Variants in MRTFA observed in about 807,000 individuals in gnomAD.
MRTFA encodes the protein myocardin-related transcription factor A.
MRTFA carries 20 observed loss-of-function variants against 83.5 expected under a neutral mutation model. The ratio of observed to expected loss-of-function variants is 0.24; its 90% CI spans 0.17 to 0.35. The LOEUF is 0.35. MRTFA is among the 10% of genes least tolerant of loss of function. The probability of loss-of-function intolerance (pLI) is 1.00; values close to 1 mark genes in which losing one functional copy is unlikely to be tolerated. For missense variants in MRTFA, 1,200 were observed against 1,224.7 expected (o/e 0.98, Z 0.30); for synonymous variants, 659 against 541.2 (o/e 1.22, Z -3.02).
chr22:40,418,241 C>A, intron 12 of MRTFA, 133 bp downstream of exon 12: 1 of 1,467,758 alleles, frequency 6.8e-7, no homozygotes, highest in Non-Finnish European at 9.0e-7. Flanking sequence ...CAGTACCCCC[C>A]TGGTGAAGGA....
At chr22:40,533,635 T>C (rs2147279799) in intron 3 of MRTFA, 1 of 1,229,756 alleles carries the variant, frequency 8.1e-7, no homozygotes, top group Non-Finnish European at 1.0e-6. Flanking sequence ...AGTAGAGTCA[T>C]GACGGATTCT....
intron 1 of MRTFA, among the ~76,000 whole-genome samples, chr22:40,614,861 T>C (rs1330866521): frequency 6.6e-6 from 1 of 152,210 alleles, no homozygotes; most frequent in Admixed American, 6.5e-5. Flanking sequence ...TGTCATATTA[T>C]TAAATTTTTA....
intron 1 of MRTFA, among the ~76,000 whole-genome samples, chr22:40,605,017 AC>A (rs1423703358): frequency 6.6e-6 from 1 of 152,142 alleles, no homozygotes; most frequent in Non-Finnish European, 1.5e-5. Context: ...GAAAAATTAA[AC>A]CCCAAAACAC....
intron 4 of MRTFA, among the ~76,000 whole-genome samples, chr22:40,439,480 G>A (rs2053232823): frequency 6.9e-6 from 1 of 144,248 alleles, no homozygotes; most frequent in Admixed American, 7.1e-5. Context: ...ACTCCAACCT[G>A]GGTGACAGAG....
intron 1 of MRTFA, among the ~76,000 whole-genome samples, chr22:40,612,490 C>T (rs554405787): frequency 3.3e-5 from 5 of 152,288 alleles, no homozygotes; most frequent in South Asian, 4.1e-4. Context: ...GGCACGCAAA[C>T]GTTTTTTGTT....
intron 4 of MRTFA, among the ~76,000 whole-genome samples, chr22:40,442,391 G>A (rs924810045): frequency 1.3e-5 from 2 of 152,238 alleles, no homozygotes; most frequent in African/African-American, 4.8e-5. Context: ...AGGCAAGCCT[G>A]CTGGGTTTCT....
chr22:40,596,271 A>G (rs1484086605), intron 1 of MRTFA, among the ~76,000 whole-genome samples: 2 of 152,224 alleles, frequency 1.3e-5, no homozygotes, highest in South Asian at 2.1e-4. Flanking sequence ...GGAAGAAGAA[A>G]GAAAGATAAA....
At chr22:40,470,633 A>G (rs2053892882) in intron 3 of MRTFA, among the ~76,000 whole-genome samples, 1 of 152,044 alleles carries the variant, frequency 6.6e-6, no homozygotes, top group Non-Finnish European at 1.5e-5. Context: ...AGGAAATTAA[A>G]GTGGTAAGCA....
At position 40,429,786 on chromosome 22, in the gene MRTFA, G is replaced by C. The variant is rs2053030474; in HGVS notation, c.440-19C>G. 6.3e-7 allele frequency: 1 copy of C among 1,597,536 alleles called. No homozygotes were observed. Among genetic ancestry groups the C allele is most frequent in the Non-Finnish European group, 8.5e-7 (1 of 1,172,628 alleles). ...GAGGTCTCTGCCCATGGGAGAGAAA[G>C]GGGTGCAGGAAGATATATGAGTGGA... On this transcript the variant is annotated intron_variant, in intron 6 of 14. Coordinates refer to ENST00000355630, the MANE Select transcript of MRTFA (RefSeq NM_020831.6).
intron 5 of MRTFA, among the ~76,000 whole-genome samples, chr22:40,432,067 G>A (rs781634202): frequency 1.4e-4 from 21 of 152,100 alleles, no homozygotes; most frequent in Non-Finnish European, 2.4e-4. Context: ...CCAATGTGGT[G>A]AAACCCTGTC....
chr22:40,564,714 G>A (rs748387562), intron 2 of MRTFA, among the ~76,000 whole-genome samples: 23 of 152,028 alleles, frequency 1.5e-4, no homozygotes, highest in Non-Finnish European at 2.5e-4. Flanking sequence ...GTGCAGTGGC[G>A]TGATCTTGGC....
chr22:40,423,187 C>A (rs2052878115), intron 9 of MRTFA, among the ~76,000 whole-genome samples: 1 of 152,234 alleles, frequency 6.6e-6, no homozygotes, highest in Admixed American at 6.5e-5. Flanking sequence ...ATGACTCTGG[C>A]CGCGTCACTT....
Position 40,429,657 on chromosome 22 carries a change from C to A in MRTFA, c.550G>T (p.Val184Leu). Residue 184 changes from valine to leucine, a missense_variant, in exon 7 of 15, where the codon GTG becomes TTG. Around this residue, in one of 2 missense-constraint regions of MRTFA, gnomAD observed 93 missense variants for 182.9 expected, o/e 0.51. Transcript: ENST00000355630. Reference sequence around the variant, plus strand: ...TCAACAGGAAGGATGTTCTTCTCCACCAGCTCCATGGGGCCAGGCCTCTGT... The same window carrying A: ...TCAACAGGAAGGATGTTCTTCTCCAACAGCTCCATGGGGCCAGGCCTCTGT... The A allele has an allele frequency of 6.2e-7, 1 of 1,614,170 alleles. No homozygotes were observed. The highest frequency in any genetic ancestry group is 8.5e-7 in the Non-Finnish European group (1 of 1,180,032).
chr22:40,601,666 A>G (rs1417874193), intron 1 of MRTFA, among the ~76,000 whole-genome samples: 1 of 152,194 alleles, frequency 6.6e-6, no homozygotes, highest in African/African-American at 2.4e-5. Context: ...TTTGATACTG[A>G]TTAATTCTGA....
At position 40,411,752 on chromosome 22, in the gene MRTFA, C is replaced by T; in HGVS notation, c.2734G>A (p.Gly912Arg). 4 of 1,545,844 alleles carry T rather than the reference C, an allele frequency of 2.6e-6. No individual in the cohort carries two copies. The highest frequency in any genetic ancestry group is 2.6e-6 in the Non-Finnish European group (3 of 1,139,814). Reference sequence around the variant, plus strand: ...CTCTCCAGGAAGTCCTCCAGGCGTCCAGGGAGGGAGGGTGAGCCTGGAGGA... The same window carrying T: ...CTCTCCAGGAAGTCCTCCAGGCGTCTAGGGAGGGAGGGTGAGCCTGGAGGA... Residue 912 changes from glycine (G) to arginine (R), a missense_variant, in exon 15 of 15, where the codon GGA becomes AGA. Gly to Arg is a moderately radical substitution (Grantham distance 125, BLOSUM62 -2). Transcript: ENST00000355630.
At chr22:40,590,383 G>C (rs1003962343) in intron 2 of MRTFA, among the ~76,000 whole-genome samples, 8 of 151,848 alleles carry the variant, frequency 5.3e-5, no homozygotes, top group African/African-American at 1.9e-4. Context: ...AAAAGCTCCA[G>C]TGTAGCCGGG....
At position 40,456,738 on chromosome 22, in the gene MRTFA, T is replaced by G. The variant is rs555780561; in HGVS notation, c.307+6483A>C. ...AAGTTTTCTTTTGGCTCATTTTATA[T>G]CTTTATTATCACCATTACTGTTACT... On this transcript the variant is annotated intron_variant, in intron 4 of 14. Transcript: ENST00000355630. Among the ~76,000 whole-genome samples, 7 of 152,286 alleles carry G rather than the reference T, an allele frequency of 4.6e-5. No individual in the cohort carries two copies. The East Asian group carries it at 1.4e-3, about 29-fold the overall frequency.
chr22:40,539,628 G>A (rs1313843910), intron 3 of MRTFA, among the ~76,000 whole-genome samples: 2 of 151,050 alleles, frequency 1.3e-5, no homozygotes, highest in South Asian at 2.1e-4. Context: ...TCAGCCTCCC[G>A]AGTAGCTGGG....
chr22:40,461,563 T>C (rs574754930), intron 4 of MRTFA, among the ~76,000 whole-genome samples: 34 of 142,834 alleles, frequency 2.4e-4, no homozygotes, highest in Non-Finnish European at 5.1e-4. Context: ...GGCAGGAGGA[T>C]CACGAGGCCA....
Sources: allele counts gnomAD v4.1 joint callset (sites outside exome capture counted in the v4.1 genomes callset), GRCh38; gene constraint gnomAD v4.1.1; regional missense constraint gnomAD v4.1.1; transcripts MANE v1.5; gene names NCBI Gene and HGNC (gene_info 2026-07-23, HGNC 2026-07-21).